MYO10: variants seen among roughly 807,000 people sequenced by gnomAD.
MYO10 encodes myosin X.
Under a neutral mutation model 257.3 loss-of-function variants are expected in MYO10, and 133 were observed. That is an observed-to-expected ratio of 0.52 (90% CI 0.45 to 0.60). The LOEUF (loss-of-function observed/expected upper bound fraction) is 0.60, where lower values mean the gene tolerates loss of function less well. Ranked by LOEUF, MYO10 falls within the 20% of genes least tolerant of loss-of-function variation. MYO10 has a pLI of 0.00. For synonymous variants in MYO10, 1,104 were observed against 1,028.6 expected (o/e 1.07, Z -1.40); for missense variants, 2,399 against 2,635.7 (o/e 0.91, Z 1.97).
intron 9 of MYO10, among the ~76,000 whole-genome samples, chr5:16,774,481 G>T (rs1187522614): frequency 1.3e-5 from 2 of 152,006 alleles, no homozygotes; most frequent in Non-Finnish European, 2.9e-5. Context: ...GAGTGCAACG[G>T]TGCAATCTCA....
chr5:16,693,084 T>G (rs1447825087), intron 27 of MYO10, among the ~76,000 whole-genome samples: 1 of 152,028 alleles, frequency 6.6e-6, no homozygotes, highest in Non-Finnish European at 1.5e-5. Flanking sequence ...CTGGGCAACA[T>G]GGCGAAACCC....
intron 1 of MYO10, among the ~76,000 whole-genome samples, chr5:16,890,489 T>C (rs1745019678): frequency 6.6e-6 from 1 of 151,826 alleles, no homozygotes; most frequent in Non-Finnish European, 1.5e-5. Context: ...AACCCTCATG[T>C]TCATCAACTA....
chr5:16,762,093 C>T lies in MYO10; in HGVS notation c.1608G>A (p.Lys536=). 1 of 823,064 alleles carries T rather than the reference C, an allele frequency of 1.2e-6. No individual in the cohort carries two copies. Among genetic ancestry groups the T allele is most frequent in the Non-Finnish European group, 1.8e-6 (1 of 554,510 alleles). The allele number at this position is 823,064 out of a possible 1,614,324, so 51.0% of individuals were successfully genotyped here. A position where few individuals can be genotyped will look rare whatever the true frequency, so the allele number is the denominator to read the frequency against. ...SQHANNHFYV[K]PRVAVNNFGV... ...CAAAATTGTTAACTGCAACTCTGGGCTTCACATAAAAGTGGTTATTCTAAA... is the reference window on the plus strand; with the variant it reads ...CAAAATTGTTAACTGCAACTCTGGGTTTCACATAAAAGTGGTTATTCTAAA... The change falls in exon 16 of 41, where the codon AAG becomes AAA. Residue 536 remains lysine (K), a synonymous_variant. Coordinates refer to ENST00000513610, the MANE Select transcript of MYO10 (RefSeq NM_012334.3).
intron 1 of MYO10, among the ~76,000 whole-genome samples, chr5:16,880,030 C>A (rs570836571): frequency 1.3e-5 from 2 of 152,104 alleles, no homozygotes; most frequent in Non-Finnish European, 2.9e-5. Context: ...AAGTACAAAA[C>A]TTAGCCAGAC....
intron 2 of MYO10, among the ~76,000 whole-genome samples, chr5:16,852,804 C>T (rs540959874): frequency 1.3e-4 from 20 of 152,120 alleles, no homozygotes; most frequent in Non-Finnish European, 2.8e-4. Context: ...TTCCTGCCCC[C>T]AAATTCCCTG....
chr5:16,748,625 G>GGAGA lies in MYO10; in HGVS notation c.1929+6202_1929+6203insTCTC, dbSNP rs1553991963. Among the ~76,000 whole-genome samples, 269 of 95,452 alleles carry GGAGA rather than the reference G, an allele frequency of 2.8e-3. 2 individuals are homozygous for GGAGA. Among genetic ancestry groups the GGAGA allele is most frequent in the African/African-American group, 0.015 (254 of 16,606 alleles). 62.6% of individuals were successfully genotyped at this position (95,452 alleles called of 152,430 possible). A position where few individuals can be genotyped will look rare whatever the true frequency, so the allele number is the denominator to read the frequency against. On this transcript the variant is annotated intron_variant, in intron 19 of 40. Transcript: ENST00000513610. The stretch of plus-strand genomic sequence containing the variant: ...GAAAAAGAGGGAGAGAGGGAGAGAG[G>GGAGA]GAGGGAGGGAGGGAGGGAGAAATAG...
At chr5:16,871,752 G>C (rs1744462001) in intron 2 of MYO10, among the ~76,000 whole-genome samples, 2 of 152,162 alleles carry the variant, frequency 1.3e-5, no homozygotes, top group Non-Finnish European at 2.9e-5. Flanking sequence ...GGAAGACTAT[G>C]TAGGTCAGTA....
chr5:16,765,364 C>T (rs1189287160), intron 11 of MYO10, among the ~76,000 whole-genome samples: 5 of 152,302 alleles, frequency 3.3e-5, no homozygotes, highest in East Asian at 3.9e-4. Context: ...CCTAGAACAT[C>T]GGACTCCAAG....
chr5:16,751,239 T>C (rs936815475), intron 19 of MYO10, among the ~76,000 whole-genome samples: 1 of 152,098 alleles, frequency 6.6e-6, no homozygotes, highest in Non-Finnish European at 1.5e-5. Context: ...GAAATTTCTA[T>C]AAGAATCTAT....
At chr5:16,814,837 A>T (rs1742554965) in intron 3 of MYO10, 1 of 152,256 alleles carries the variant, frequency 6.6e-6, no homozygotes, top group Non-Finnish European at 1.5e-5. Flanking sequence ...AGAAAGGAAG[A>T]ATATGACCTT....
intron 2 of MYO10, among the ~76,000 whole-genome samples, chr5:16,862,759 T>C (rs971038957): frequency 6.6e-6 from 1 of 152,146 alleles, no homozygotes; most frequent in Non-Finnish European, 1.5e-5. Context: ...GTAGCCCACT[T>C]ACCTTCAATT....
intron 2 of MYO10, among the ~76,000 whole-genome samples, chr5:16,826,219 T>G (rs1394341583): frequency 6.6e-6 from 1 of 151,640 alleles, no homozygotes; most frequent in Non-Finnish European, 1.5e-5. Context: ...AAACATGGCC[T>G]TAGAATCATT....
intron 28 of MYO10, among the ~76,000 whole-genome samples, chr5:16,687,047 C>T (rs1737285436): frequency 1.3e-5 from 2 of 152,076 alleles, no homozygotes; most frequent in African/African-American, 2.4e-5. Flanking sequence ...CGTGTCTGGG[C>T]ATGGTGGCTC....
chr5:16,831,098 G>A (rs893572075), intron 2 of MYO10, among the ~76,000 whole-genome samples: 3 of 152,040 alleles, frequency 2.0e-5, no homozygotes, highest in African/African-American at 7.2e-5. Flanking sequence ...ATACACAAAT[G>A]GCCAAGAAAC....
chr5:16,890,046 C>T (rs561854479), intron 1 of MYO10, among the ~76,000 whole-genome samples: 2 of 151,936 alleles, frequency 1.3e-5, no homozygotes, highest in Admixed American at 6.5e-5. Flanking sequence ...TAAAAATGAA[C>T]GACCCAAGAA....
Position 16,691,544 on chromosome 5 carries a change from C to T in MYO10, c.3801-1625G>A, listed in dbSNP as rs180864267. Among the ~76,000 whole-genome samples, 11 of 151,662 alleles carry T rather than the reference C, an allele frequency of 7.3e-5. No individual in the cohort carries two copies. In the East Asian group the frequency reaches 2.2e-3, roughly 30 times the overall value. The stretch of plus-strand genomic sequence containing the variant: ...TGAAATCCCGTCTCTACTAAAAATA[C>T]AAAAATTAGCCAAGCTTGGTAGTGC... On this transcript the variant is annotated intron_variant, in intron 27 of 40. Transcript: ENST00000513610.
At chr5:16,906,785 C>T (rs1015223548) in intron 1 of MYO10, among the ~76,000 whole-genome samples, 3 of 152,152 alleles carry the variant, frequency 2.0e-5, no homozygotes, top group Non-Finnish European at 4.4e-5. Context: ...CATCCCCTTG[C>T]CTCTCAAGCC....
At chr5:16,762,757 A>T (rs1740756853) in intron 14 of MYO10, 120 bp from the exon 15 acceptor site, 4 of 671,808 alleles carry the variant, frequency 6.0e-6, no homozygotes, top group African/African-American at 3.6e-5. Flanking sequence ...TGAGGTCAGG[A>T]GTTCCAGACC....
At chr5:16,899,057 C>T (rs1745301253) in intron 1 of MYO10, among the ~76,000 whole-genome samples, 1 of 149,884 alleles carries the variant, frequency 6.7e-6, no homozygotes, top group Non-Finnish European at 1.5e-5. Flanking sequence ...ATCACTTGCG[C>T]CCGGGAGGCA....
Sources: gnomAD v4.1 joint callset for allele counts (sites outside exome capture counted in the v4.1 genomes callset) on GRCh38, gnomAD v4.1.1 for gene constraint, MANE v1.5 for transcripts, NCBI Gene and HGNC (gene_info 2026-07-23, HGNC 2026-07-21) for gene names.